Variants in VIT observed in about 807,000 individuals in gnomAD.
VIT encodes vitrin.
A neutral mutation model predicts 78.0 loss-of-function variants in VIT; 99 were observed. The observed-to-expected ratio is 1.27, with a 90% CI of 1.08 to 1.50. The LOEUF is 1.50. Ranked by LOEUF, VIT falls within the 40% of genes most tolerant of loss-of-function variation. The pLI is 0.00. For synonymous variants in VIT, 374 were observed against 334.3 expected, an observed-to-expected ratio of 1.12 and a Z score of -1.29; for missense variants, 1,126 against 875.3, an observed-to-expected ratio of 1.29 and a Z score of -3.61.
chr2:36,726,895 G>A (rs1230600432), intron 2 of VIT, among the ~76,000 whole-genome samples: 1 of 151,270 alleles, frequency 6.6e-6, no homozygotes, highest in East Asian at 2.0e-4. Context: ...GAGAAAGGGG[G>A]TGGGGAGAAG....
chr2:36,795,997 T>A (rs1301511701), intron 12 of VIT, among the ~76,000 whole-genome samples: 1 of 151,844 alleles, frequency 6.6e-6, no homozygotes, highest in African/African-American at 2.4e-5. Flanking sequence ...GAAGAGGAAA[T>A]TTGCTAGTCT....
At chr2:36,723,074 C>T (rs567748125) in intron 2 of VIT, among the ~76,000 whole-genome samples, 176 of 151,704 alleles carry the variant, frequency 1.2e-3, no homozygotes, top group African/African-American at 4.1e-3. Flanking sequence ...CCATTATTAA[C>T]ATGTTAGTAT....
intron 1 of VIT, among the ~76,000 whole-genome samples, chr2:36,707,202 A>C (rs935791179): frequency 2.6e-5 from 4 of 152,174 alleles, no homozygotes; most frequent in Non-Finnish European, 5.9e-5. Flanking sequence ...ATCTCACATA[A>C]CAGACAGTCC....
chr2:36,761,369 G>T (rs561022793), intron 6 of VIT, among the ~76,000 whole-genome samples: 4 of 152,084 alleles, frequency 2.6e-5, no homozygotes, highest in Non-Finnish European at 5.9e-5. Flanking sequence ...TGGGATGGGG[G>T]TGTCGGGGGT....
At chr2:36,700,669 G>A (rs1664993816) in intron 1 of VIT, among the ~76,000 whole-genome samples, 1 of 152,212 alleles carries the variant, frequency 6.6e-6, no homozygotes, top group East Asian at 1.9e-4. Flanking sequence ...TTGAGCCCAG[G>A]CATTCGAGGT....
At chr2:36,814,139 C>T (rs745690431) in intron 15 of VIT, 44 bp from the exon 16 acceptor site, 24 of 1,594,354 alleles carry the variant, frequency 1.5e-5, no homozygotes, top group Non-Finnish European at 2.1e-5. Flanking sequence ...TTTAGCAGCA[C>T]CTTTACTTGG....
At chr2:36,705,590 T>C (rs1025808057) in intron 1 of VIT, among the ~76,000 whole-genome samples, 1 of 152,164 alleles carries the variant, frequency 6.6e-6, no homozygotes, top group African/African-American at 2.4e-5. Flanking sequence ...ATCAGCTGTG[T>C]ACATGGATGA....
intron 10 of VIT, among the ~76,000 whole-genome samples, chr2:36,782,329 C>G (rs1664814278): frequency 6.6e-6 from 1 of 152,204 alleles, no homozygotes; most frequent in Non-Finnish European, 1.5e-5. Context: ...CCACGACAGG[C>G]TCCTGGCTGA....
chr2:36,697,778 G>A (rs538033612), intron 1 of VIT, among the ~76,000 whole-genome samples: 3 of 152,190 alleles, frequency 2.0e-5, no homozygotes, highest in Non-Finnish European at 4.4e-5. Context: ...TAAATCAAGA[G>A]TGGAATTAAA....
chr2:36,736,706 C>T (rs1667529505), intron 3 of VIT, among the ~76,000 whole-genome samples: 1 of 152,168 alleles, frequency 6.6e-6, no homozygotes, highest in African/African-American at 2.4e-5. Flanking sequence ...AAAGGAAAGC[C>T]TTGCTGGGCC....
At chr2:36,798,314 G>T (rs1666055828) in intron 12 of VIT, among the ~76,000 whole-genome samples, 1 of 152,132 alleles carries the variant, frequency 6.6e-6, no homozygotes, top group South Asian at 2.1e-4. Context: ...AAGCATGGGG[G>T]CCAGGACTCC....
chr2:36,798,833 G>A (rs1239687428), intron 12 of VIT, among the ~76,000 whole-genome samples: 1 of 152,142 alleles, frequency 6.6e-6, no homozygotes, highest in African/African-American at 2.4e-5. Context: ...AATACAGAGT[G>A]AAAGCCACAG....
rs2148695722 is a variant in VIT, at chr2:36,814,365, C to T, written c.*4C>T. ...CAACTCACAGCCTCGGAACTGAATTCAGAGCAGGCAGAGCACCAGCAAGTG... is the reference window on the plus strand; with the variant it reads ...CAACTCACAGCCTCGGAACTGAATTTAGAGCAGGCAGAGCACCAGCAAGTG... On this transcript the variant is annotated 3_prime_UTR_variant, in exon 16 of 16. Transcript: ENST00000379242. 1 of 1,613,624 alleles carries T rather than the reference C, an allele frequency of 6.2e-7. No individual in the cohort carries two copies. The highest frequency in any genetic ancestry group is 8.5e-7 in the Non-Finnish European group (1 of 1,179,696).
intron 3 of VIT, among the ~76,000 whole-genome samples, chr2:36,731,100 G>A (rs1481358269): frequency 1.3e-5 from 2 of 151,862 alleles, no homozygotes; most frequent in African/African-American, 4.8e-5. Context: ...ACTGTCTTCT[G>A]CTTGGAGGTG....
intron 15 of VIT, among the ~76,000 whole-genome samples, chr2:36,813,150 T>C (rs1667308977): frequency 6.6e-6 from 1 of 151,174 alleles, no homozygotes; most frequent in Non-Finnish European, 1.5e-5. Flanking sequence ...TGTTTTTGCT[T>C]TTTTAAAAAT....
At chr2:36,707,281 G>C (rs1217476767) in intron 1 of VIT, among the ~76,000 whole-genome samples, 1 of 152,256 alleles carries the variant, frequency 6.6e-6, no homozygotes, top group African/African-American at 2.4e-5. Flanking sequence ...GATTTGCCTG[G>C]CTGCCCTCCT....
chr2:36,711,534 C>G (rs1378724993), intron 1 of VIT, among the ~76,000 whole-genome samples: 1 of 152,092 alleles, frequency 6.6e-6, no homozygotes, highest in Non-Finnish European at 1.5e-5. Context: ...GACCTCAGTT[C>G]CCTTATCTTT....
Position 36,767,096 on chromosome 2 carries a change from G to C in VIT, c.490G>C (p.Glu164Gln). Residue 164 changes from glutamate to glutamine, a missense_variant and splice_region_variant, in exon 7 of 16, where the codon GAG becomes CAG. Glu to Gln is a conservative substitution (Grantham distance 29). Coordinates refer to ENST00000379242, the MANE Select transcript of VIT (RefSeq NM_053276.4). The stretch of plus-strand genomic sequence containing the variant: ...GGTATAATTCCATTTTCTTACAGGT[G>C]AGACCACAAAAGCCTATCAGAGGCC... ...SSKSPAAQAG[E>Q]TTKAYQRPPI... The C allele has an allele frequency of 6.3e-7, 1 of 1,590,484 alleles. No homozygotes were observed. Among genetic ancestry groups the C allele is most frequent in the Admixed American group, 1.8e-5 (1 of 56,358 alleles).
intron 4 of VIT, among the ~76,000 whole-genome samples, chr2:36,749,527 T>C (rs144439240): frequency 6.6e-6 from 1 of 152,250 alleles, no homozygotes; most frequent in East Asian, 1.9e-4. Flanking sequence ...ACCTTCTTTA[T>C]CTTATTTAAT....
Sources: gnomAD v4.1 joint callset for allele counts (sites outside exome capture counted in the v4.1 genomes callset) on GRCh38, gnomAD v4.1.1 for gene constraint, MANE v1.5 for transcripts, NCBI Gene and HGNC (gene_info 2026-07-23, HGNC 2026-07-21) for gene names.